Variants in PPP2R5E observed in about 807,000 individuals in gnomAD.
The protein encoded by PPP2R5E is protein phosphatase 2 regulatory subunit B'epsilon.
PPP2R5E carries 4 observed loss-of-function variants against 65.3 expected under a neutral mutation model. That is an observed-to-expected ratio of 0.06 (90% confidence interval 0.03 to 0.14). PPP2R5E has a LOEUF of 0.14. Among genes scored for constraint, PPP2R5E ranks in the 10% least tolerant of loss-of-function variants. The probability of loss-of-function intolerance (pLI) is 1.00; values close to 1 mark genes in which losing one functional copy is unlikely to be tolerated. For missense variants in PPP2R5E, 274 were observed against 556.1 expected (o/e 0.49, Z 5.10); for synonymous variants, 183 against 187.4 (o/e 0.98, Z 0.19).
At chr14:63,533,087 G>A (rs963099951) in intron 2 of PPP2R5E, among the ~76,000 whole-genome samples, 12 of 151,914 alleles carry the variant, frequency 7.9e-5, no homozygotes, top group Non-Finnish European at 1.8e-4. Flanking sequence ...CTCCCACCTC[G>A]ACCTGCCAAA....
intron 5 of PPP2R5E, among the ~76,000 whole-genome samples, chr14:63,412,558 G>A (rs1208098805): frequency 6.6e-6 from 1 of 152,206 alleles, no homozygotes; most frequent in Admixed American, 6.5e-5. Flanking sequence ...ACTAACAAAT[G>A]AGAGAAGGTT....
intron 12 of PPP2R5E, among the ~76,000 whole-genome samples, chr14:63,383,094 C>T (rs1364874639): frequency 3.3e-5 from 5 of 152,108 alleles, no homozygotes; most frequent in African/African-American, 1.2e-4. Flanking sequence ...AGCTATGGGA[C>T]ACTATACAGC....
intron 3 of PPP2R5E, among the ~76,000 whole-genome samples, chr14:63,433,420 T>C (rs961675975): frequency 6.6e-6 from 1 of 152,124 alleles, no homozygotes; most frequent in Non-Finnish European, 1.5e-5. Flanking sequence ...GCTGGGCTAA[T>C]TCCTTACCAC....
rs1363890035 is a variant in PPP2R5E at position 63,469,592 on chromosome 14, G to A, written c.158-15707C>T. ...GCCTGTAGTCCCAGCTACTCAGGAG[G>A]CTGAGGCAGGAGAATGGCGTGAACC... On this transcript the variant is annotated intron_variant, in intron 2 of 13. Transcript: ENST00000337537. Among the ~76,000 whole-genome samples the A allele has an allele frequency of 2.0e-5, 3 of 152,344 alleles. No individual in the cohort carries two copies. The East Asian group carries it at 5.8e-4, about 29-fold the overall frequency.
intron 2 of PPP2R5E, among the ~76,000 whole-genome samples, chr14:63,462,425 T>C (rs1889533144): frequency 6.6e-6 from 1 of 152,150 alleles, no homozygotes; most frequent in African/African-American, 2.4e-5. Flanking sequence ...TCTGCAATTG[T>C]AAAGGAAGAG....
intron 2 of PPP2R5E, among the ~76,000 whole-genome samples, chr14:63,534,903 A>T (rs1320108478): frequency 5.3e-5 from 8 of 152,198 alleles, no homozygotes; most frequent in Non-Finnish European, 8.8e-5. Context: ...TATAGGTGTG[A>T]GCCACCATAC....
At chr14:63,447,901 A>G (rs1888575979) in intron 3 of PPP2R5E, among the ~76,000 whole-genome samples, 1 of 152,212 alleles carries the variant, frequency 6.6e-6, no homozygotes, top group African/African-American at 2.4e-5. Context: ...AGAGGGACAG[A>G]GGCTGAGGAA....
chr14:63,416,101 A>G (rs902969610), intron 4 of PPP2R5E, among the ~76,000 whole-genome samples: 1 of 152,342 alleles, frequency 6.6e-6, no homozygotes, highest in South Asian at 2.1e-4. Context: ...TTCTCTTTGC[A>G]TAATAAGCCT....
chr14:63,445,268 A>G (rs960618224), intron 3 of PPP2R5E, among the ~76,000 whole-genome samples: 13 of 152,242 alleles, frequency 8.5e-5, no homozygotes, highest in Admixed American at 8.5e-4. Context: ...AAATATCTCA[A>G]TAAAGTAGTC....
At chr14:63,511,079 G>A (rs1333446467) in intron 2 of PPP2R5E, among the ~76,000 whole-genome samples, 2 of 152,204 alleles carry the variant, frequency 1.3e-5, no homozygotes, top group African/African-American at 4.8e-5. Context: ...CCCTCCTTGT[G>A]TTCATGCCAC....
intron 1 of PPP2R5E, among the ~76,000 whole-genome samples, chr14:63,541,412 C>T (rs368633840): frequency 1.3e-5 from 2 of 152,202 alleles, no homozygotes; most frequent in Non-Finnish European, 2.9e-5. Context: ...ATCAAACTTA[C>T]GGAACTGAAT....
chr14:63,505,549 G>A (rs988500838), intron 2 of PPP2R5E, among the ~76,000 whole-genome samples: 1 of 152,204 alleles, frequency 6.6e-6, no homozygotes, highest in African/African-American at 2.4e-5. Context: ...AGGAGGCTGA[G>A]TTCTTCAAGC....
intron 2 of PPP2R5E, among the ~76,000 whole-genome samples, chr14:63,470,072 A>AC (rs11370535): frequency 0.33 from 49,811 of 151,682 alleles, 10,885 homozygotes; most frequent in African/African-American, 0.62. Flanking sequence ...CTACCTCCCC[A>AC]CACCCCCCAC....
At chr14:63,520,764 C>T (rs1312890205) in intron 2 of PPP2R5E, among the ~76,000 whole-genome samples, 2 of 150,558 alleles carry the variant, frequency 1.3e-5, no homozygotes, top group Non-Finnish European at 2.9e-5. Flanking sequence ...ATCTGTAATC[C>T]CAGCACTTTG....
chr14:63,522,503 G>T (rs529398487), intron 2 of PPP2R5E, among the ~76,000 whole-genome samples: 1 of 151,180 alleles, frequency 6.6e-6, no homozygotes, highest in Non-Finnish European at 1.5e-5. Flanking sequence ...AGTGAGAAAC[G>T]CCTCTTCCCG....
chr14:63,464,779 CG>C (rs1201606992), intron 2 of PPP2R5E, among the ~76,000 whole-genome samples: 2 of 152,010 alleles, frequency 1.3e-5, no homozygotes, highest in African/African-American at 4.8e-5. Context: ...CCCAGCACCT[CG>C]GGGAGGCCGA....
intron 5 of PPP2R5E, among the ~76,000 whole-genome samples, chr14:63,414,071 T>C (rs970975312): frequency 5.9e-5 from 9 of 152,164 alleles, no homozygotes; most frequent in Non-Finnish European, 8.8e-5. Flanking sequence ...GCCCCTCAGC[T>C]CTCTGGAAGC....
At chr14:63,435,459 C>T (rs2139413328) in intron 3 of PPP2R5E, among the ~76,000 whole-genome samples, 1 of 152,270 alleles carries the variant, frequency 6.6e-6, no homozygotes, top group South Asian at 2.1e-4. Context: ...GACAACAGCC[C>T]TCTGCCACAG....
chr14:63,407,127 G>A (rs918996933), intron 5 of PPP2R5E, among the ~76,000 whole-genome samples: 2 of 152,192 alleles, frequency 1.3e-5, no homozygotes, highest in African/African-American at 4.8e-5. Flanking sequence ...CTTACAATGT[G>A]ATTATGATAT....
Sources: allele counts gnomAD v4.1 joint callset (sites outside exome capture counted in the v4.1 genomes callset), GRCh38; gene constraint gnomAD v4.1.1; transcripts MANE v1.5; gene names NCBI Gene and HGNC (gene_info 2026-07-23, HGNC 2026-07-21).